Variants in CDH12 observed in about 807,000 individuals in gnomAD.
The protein encoded by CDH12 is cadherin 12, also known as cadherin-12.
Under a neutral mutation model 74.1 loss-of-function variants are expected in CDH12, and 41 were observed. The observed-to-expected ratio is 0.55, with a 90% CI of 0.43 to 0.72. The LOEUF (loss-of-function observed/expected upper bound fraction) is 0.72. Ranked by LOEUF, CDH12 falls within the 30% of genes least tolerant of loss-of-function variation. The pLI, the probability that CDH12 is intolerant of heterozygous loss-of-function variation, is 0.00. For missense variants in CDH12, 945 were observed against 977.2 expected (o/e 0.97, Z 0.44); for synonymous variants, 399 against 355.0 (o/e 1.12, Z -1.39).
chr5:22,529,692 T>C (rs992496231), intron 1 of CDH12, among the ~76,000 whole-genome samples: 1 of 152,154 alleles, frequency 6.6e-6, no homozygotes, highest in African/African-American at 2.4e-5. Flanking sequence ...TGTGGCCCAG[T>C]TGAGTTAACA....
chr5:22,571,836 C>A (rs1232923954), intron 1 of CDH12, among the ~76,000 whole-genome samples: 1 of 152,076 alleles, frequency 6.6e-6, no homozygotes, highest in African/African-American at 2.4e-5. Context: ...TTAAGTTTGC[C>A]ATACCGTGGG....
At position 22,813,437 on chromosome 5, in the gene CDH12, T is replaced by G. The variant is rs1749242264; in HGVS notation, c.-523+39621A>C. Among the ~76,000 whole-genome samples the G allele has an allele frequency of 2.6e-5, 4 of 152,202 alleles. No individual in the cohort carries two copies. The South Asian group carries it at 8.3e-4, about 31-fold the overall frequency. On this transcript the variant is annotated intron_variant, in intron 1 of 14. Coordinates refer to ENST00000382254, the MANE Select transcript of CDH12 (RefSeq NM_004061.5). ...GTCTCATTTTATCACCATGAAAACT[T>G]ACTTTTTCATCTCTGTGGTGAAAAA...
intron 1 of CDH12, among the ~76,000 whole-genome samples, chr5:22,805,974 C>T (rs1455881344): frequency 6.6e-6 from 1 of 152,142 alleles, no homozygotes; most frequent in Non-Finnish European, 1.5e-5. Flanking sequence ...TGTGTCTCTG[C>T]AAAGGACATG....
chr5:22,661,276 T>C (rs1740333963), intron 1 of CDH12, among the ~76,000 whole-genome samples: 3 of 152,106 alleles, frequency 2.0e-5, no homozygotes, highest in Admixed American at 1.3e-4. Flanking sequence ...AAAATTAGCT[T>C]CTCTCTTGTT....
At chr5:22,674,207 G>A (rs1741046501) in intron 1 of CDH12, among the ~76,000 whole-genome samples, 2 of 152,182 alleles carry the variant, frequency 1.3e-5, no homozygotes, top group African/African-American at 4.8e-5. Context: ...ATCTCATCTT[G>A]AATTCTGATG....
chr5:22,738,370 T>C (rs922071592), intron 1 of CDH12, among the ~76,000 whole-genome samples: 1 of 152,088 alleles, frequency 6.6e-6, no homozygotes, highest in Non-Finnish European at 1.5e-5. Flanking sequence ...AGGTATTATC[T>C]TAAACCTAGA....
At chr5:22,140,482 G>A (rs1038864370) in intron 4 of CDH12, among the ~76,000 whole-genome samples, 10 of 152,098 alleles carry the variant, frequency 6.6e-5, no homozygotes, top group African/African-American at 2.4e-4. Context: ...ATCCAATCCT[G>A]TATATTTGTA....
chr5:22,139,305 A>G (rs1159795130), intron 4 of CDH12: 1 of 148,454 alleles, frequency 6.7e-6, no homozygotes, highest in East Asian at 2.0e-4. Context: ...GCAAATTAGC[A>G]TCATTAGTTG....
chr5:21,790,237 C>A (rs1332661987), intron 10 of CDH12, among the ~76,000 whole-genome samples: 2 of 152,024 alleles, frequency 1.3e-5, no homozygotes, highest in African/African-American at 4.8e-5. Flanking sequence ...ACCACATATA[C>A]AGGTTATGTT....
intron 1 of CDH12, among the ~76,000 whole-genome samples, chr5:22,529,173 A>ACACATGTG (rs1737447317): frequency 5.1e-5 from 4 of 79,062 alleles, no homozygotes; most frequent in African/African-American, 2.0e-4. Flanking sequence ...GTGTATATAT[A>ACACATGTG]TATATATATA....
chr5:21,952,962 G>C (rs1331175827), intron 6 of CDH12, among the ~76,000 whole-genome samples: 2 of 152,010 alleles, frequency 1.3e-5, no homozygotes, highest in Non-Finnish European at 2.9e-5. Context: ...GATGTGTTTT[G>C]AAATGGCTGT....
intron 3 of CDH12, among the ~76,000 whole-genome samples, chr5:22,262,822 A>T (rs1337723792): frequency 6.6e-6 from 1 of 152,112 alleles, no homozygotes; most frequent in African/African-American, 2.4e-5. Flanking sequence ...CTGGTGTGAG[A>T]TGGTATCTCA....
intron 5 of CDH12, among the ~76,000 whole-genome samples, chr5:22,010,380 C>T (rs992737004): frequency 6.6e-6 from 1 of 152,090 alleles, no homozygotes; most frequent in Non-Finnish European, 1.5e-5. Flanking sequence ...GGCATTAACC[C>T]CCCATCTATT....
chr5:21,997,491 C>T (rs1045746795), intron 5 of CDH12, among the ~76,000 whole-genome samples: 1 of 152,054 alleles, frequency 6.6e-6, no homozygotes, highest in Non-Finnish European at 1.5e-5. Context: ...AAAGTGAGAG[C>T]TGTAAACCTG....
At position 22,532,035 on chromosome 5, in the gene CDH12, C is replaced by T. The variant is rs150655901; in HGVS notation, c.-522-26671G>A. 3.2e-4 allele frequency among the ~76,000 whole-genome samples: 49 copies of T among 151,856 alleles called. No individual in the cohort carries two copies. In the East Asian group the frequency reaches 3.9e-3, roughly 12 times the overall value. On this transcript the variant is annotated intron_variant, in intron 1 of 14. Transcript: ENST00000382254. ...AAATCCTGTAAAGTTAGGAAGAAAT[C>T]GATATCTCAGGGGCTTTGAGGGACA...
chr5:22,782,643 T>G (rs1005963815), intron 1 of CDH12, among the ~76,000 whole-genome samples: 2 of 152,144 alleles, frequency 1.3e-5, no homozygotes, highest in South Asian at 4.1e-4. Flanking sequence ...GAGATTCTTA[T>G]CTATGACCTA....
intron 1 of CDH12, among the ~76,000 whole-genome samples, chr5:22,774,999 T>C (rs575846705): frequency 1.3e-5 from 2 of 151,828 alleles, no homozygotes; most frequent in African/African-American, 4.8e-5. Flanking sequence ...GTCACAATTA[T>C]AAACAAACAA....
intron 1 of CDH12, among the ~76,000 whole-genome samples, chr5:22,542,131 A>C (rs972058493): frequency 1.2e-4 from 18 of 152,208 alleles, no homozygotes; most frequent in Non-Finnish European, 2.2e-4. Flanking sequence ...TATAATATTT[A>C]ATCAATGTTG....
At chr5:22,334,742 A>G (rs1739501694) in intron 3 of CDH12, among the ~76,000 whole-genome samples, 1 of 152,192 alleles carries the variant, frequency 6.6e-6, no homozygotes, top group South Asian at 2.1e-4. Flanking sequence ...AAGAACATAT[A>G]TTGGGGAAAA....
Sources: allele counts gnomAD v4.1 joint callset (sites outside exome capture counted in the v4.1 genomes callset), GRCh38; gene constraint gnomAD v4.1.1; transcripts MANE v1.5; gene names NCBI Gene and HGNC (gene_info 2026-07-23, HGNC 2026-07-21).